FBXO15: variants seen among roughly 807,000 people sequenced by gnomAD.
FBXO15 encodes F-box protein 15, also known as F-box only protein 15.
A neutral mutation model predicts 49.5 loss-of-function variants in FBXO15; 30 were observed. The observed-to-expected ratio is 0.61, with a 90% confidence interval of 0.45 to 0.82. FBXO15 has a LOEUF of 0.82. Among genes scored for constraint, FBXO15 ranks in the 40% least tolerant of loss-of-function variants. FBXO15 has a pLI of 0.00. For missense variants in FBXO15, 591 were observed against 631.5 expected (o/e 0.94, Z 0.69); for synonymous variants, 250 against 232.7 (o/e 1.07, Z -0.68).
At chr18:74,093,497 C>T (rs1913146766) in intron 8 of FBXO15, among the ~76,000 whole-genome samples, 1 of 152,170 alleles carries the variant, frequency 6.6e-6, no homozygotes, top group African/African-American at 2.4e-5. Context: ...TGGGAGAGGC[C>T]AGCAGACATA....
chr18:74,103,962 A>T (rs1215990474), intron 8 of FBXO15, among the ~76,000 whole-genome samples: 2 of 152,174 alleles, frequency 1.3e-5, no homozygotes, highest in African/African-American at 4.8e-5. Context: ...AATTAAGCAC[A>T]AAACTCAGAA....
chr18:74,129,739 T>C (rs1978316064), intron 4 of FBXO15, 125 bp from the exon 5 acceptor site: 4 of 744,934 alleles, frequency 5.4e-6, no homozygotes, highest in Non-Finnish European at 8.6e-6. Flanking sequence ...ATTCTCAGAA[T>C]GTGCCCAGTA....
chr18:74,107,741 CAGTG>C (rs1913833739), intron 8 of FBXO15, among the ~76,000 whole-genome samples: 4 of 152,252 alleles, frequency 2.6e-5, no homozygotes, highest in East Asian at 1.9e-4. Flanking sequence ...CTGGTTCTCA[CAGTG>C]AGTATCAGAA....
At chr18:74,080,297 C>T (rs1037166770) in intron 9 of FBXO15, among the ~76,000 whole-genome samples, 5 of 152,172 alleles carry the variant, frequency 3.3e-5, no homozygotes, top group South Asian at 4.1e-4. Context: ...CTGAGGACGG[C>T]TTAGTCTTAA....
In FBXO15 at chr18:74,073,708, G is replaced by C; in HGVS notation, c.1286C>G (p.Thr429Ser). ...GGGTTTCCCATGTTCATCCAAAAGA[G>C]TTACGTCCATCATGGAACAACTCTG... is the stretch of plus-strand genomic sequence containing the variant. Reference protein sequence around the residue: ...CIKSCSMMDVTLLDEHGKPFW... With the variant: ...CIKSCSMMDVSLLDEHGKPFW... Residue 429 changes from threonine to serine, a missense_variant, in exon 10 of 10, where the codon ACT becomes AGT. Thr to Ser is a moderately conservative substitution (Grantham distance 58, BLOSUM62 1). Transcript: ENST00000419743. The C allele has an allele frequency of 6.2e-7, 1 of 1,613,600 alleles. No homozygotes were observed. The highest frequency in any genetic ancestry group is 8.5e-7 in the Non-Finnish European group (1 of 1,179,754).
At position 74,073,585 on chromosome 18, in the gene FBXO15, T is replaced by A. The variant is rs759541397; in HGVS notation, c.1409A>T (p.Asp470Val). The change falls in exon 10 of 10, where the codon GAT becomes GTT. Residue 470 changes from aspartate to valine, a missense_variant. By Grantham distance (152) the Asp-to-Val change is radical (BLOSUM62 -3). Transcript: ENST00000419743. ...CTCCACGTGCACTCTTCCTTCCGCA[T>A]CAACGTAGTCCACGTTGTATGTCTG... ...LGQTYNVDYV[D>V]AEGRVHVELV... is the part of the protein sequence containing the mutation. The A allele has an allele frequency of 1.2e-5, 20 of 1,614,236 alleles. No homozygotes were observed. Among genetic ancestry groups the A allele is most frequent in the Non-Finnish European group, 1.6e-5 (19 of 1,180,036 alleles).
chr18:74,137,301 C>G (rs564491468), intron 2 of FBXO15, among the ~76,000 whole-genome samples: 17 of 152,254 alleles, frequency 1.1e-4, no homozygotes, highest in Non-Finnish European at 1.9e-4. Flanking sequence ...ATTTTTGTGA[C>G]CATTTGGATT....
At chr18:74,086,157 T>A (rs1912727401) in intron 8 of FBXO15, among the ~76,000 whole-genome samples, 1 of 151,952 alleles carries the variant, frequency 6.6e-6, no homozygotes, top group Admixed American at 6.6e-5. Context: ...AGAAAAAAAA[T>A]TAATATCAAG....
chr18:74,078,867 G>A (rs1488911555), intron 9 of FBXO15, among the ~76,000 whole-genome samples: 2 of 152,170 alleles, frequency 1.3e-5, no homozygotes, highest in Non-Finnish European at 2.9e-5. Flanking sequence ...GTGTGGGACT[G>A]TTCTGTTCTT....
chr18:74,120,763 T>C (rs1914433234), intron 8 of FBXO15, among the ~76,000 whole-genome samples: 1 of 151,054 alleles, frequency 6.6e-6, no homozygotes, highest in African/African-American at 2.4e-5. Flanking sequence ...CTTTAGAAAC[T>C]AGAAAAACAG....
intron 4 of FBXO15, 33 bp downstream of exon 4, chr18:74,130,383 T>C: frequency 6.2e-7 from 1 of 1,611,630 alleles, no homozygotes; most frequent in South Asian, 1.1e-5. Flanking sequence ...TTTGAGCTGA[T>C]GCCATCATTC....
At chr18:74,101,309 C>T (rs1448729426) in intron 8 of FBXO15, among the ~76,000 whole-genome samples, 1 of 152,138 alleles carries the variant, frequency 6.6e-6, no homozygotes, top group Non-Finnish European at 1.5e-5. Context: ...ACAAAAATCA[C>T]ATGATCATCT....
intron 9 of FBXO15, among the ~76,000 whole-genome samples, chr18:74,081,219 G>A (rs751548381): frequency 9.9e-5 from 15 of 152,116 alleles, no homozygotes; most frequent in Non-Finnish European, 2.1e-4. Context: ...CATGCATAGC[G>A]CCGTATAAAG....
At chr18:74,137,396 C>CA (rs1240301393) in intron 2 of FBXO15, among the ~76,000 whole-genome samples, 2 of 152,004 alleles carry the variant, frequency 1.3e-5, no homozygotes, top group East Asian at 1.9e-4. Context: ...TACCATTGAA[C>CA]AAAAAAACAG....
intron 3 of FBXO15, among the ~76,000 whole-genome samples, chr18:74,134,923 C>T (rs1305368251): frequency 6.6e-6 from 1 of 152,186 alleles, no homozygotes; most frequent in African/African-American, 2.4e-5. Context: ...CATTCCCTCT[C>T]ATCTTGCTGA....
chr18:74,088,111 T>C (rs930251107), intron 8 of FBXO15, among the ~76,000 whole-genome samples: 3 of 152,220 alleles, frequency 2.0e-5, no homozygotes, highest in Non-Finnish European at 4.4e-5. Context: ...ATGTTAGACC[T>C]TTATCAAATG....
intron 8 of FBXO15, among the ~76,000 whole-genome samples, chr18:74,087,357 T>C (rs1359692756): frequency 6.6e-6 from 1 of 152,224 alleles, no homozygotes; most frequent in Non-Finnish European, 1.5e-5. Context: ...TAGTACCCGA[T>C]AGGTAGTTTT....
chr18:74,135,007 G>A (rs1201649077), intron 3 of FBXO15, among the ~76,000 whole-genome samples: 1 of 152,098 alleles, frequency 6.6e-6, no homozygotes, highest in African/African-American at 2.4e-5. Context: ...TGAGAGAGGG[G>A]CCTAAAAAGC....
intron 8 of FBXO15, chr18:74,123,134 C>T (rs747612653): frequency 2.3e-6 from 1 of 425,692 alleles, no homozygotes; most frequent in African/African-American, 2.1e-5. Context: ...AGGGGCTACC[C>T]CCAGAAGGTG....
Sources: gnomAD v4.1 joint callset for allele counts (sites outside exome capture counted in the v4.1 genomes callset) on GRCh38, gnomAD v4.1.1 for gene constraint, MANE v1.5 for transcripts, NCBI Gene and HGNC (gene_info 2026-07-23, HGNC 2026-07-21) for gene names.